PSMB2: variants seen among roughly 807,000 people sequenced by gnomAD.
The protein encoded by PSMB2 is proteasome subunit beta type-2.
Under a neutral mutation model 25.7 loss-of-function variants are expected in PSMB2, and 13 were observed. That is an observed-to-expected ratio of 0.51 (90% CI 0.33 to 0.80). The LOEUF (loss-of-function observed/expected upper bound fraction) is 0.80, where lower values mean the gene tolerates loss of function less well. Among genes scored for constraint, PSMB2 ranks in the 30% least tolerant of loss-of-function variants. PSMB2 has a pLI of 0.02. For missense variants in PSMB2, 202 were observed against 259.0 expected (o/e 0.78, Z 1.51); for synonymous variants, 87 against 96.2 (o/e 0.90, Z 0.56).
chr1:35,629,953 G>A (rs1339513363), intron 3 of PSMB2, among the ~76,000 whole-genome samples: 1 of 152,228 alleles, frequency 6.6e-6, no homozygotes, highest in Non-Finnish European at 1.5e-5. Flanking sequence ...CAGATCACCT[G>A]AGATCAGGAG....
At position 35,628,593 on chromosome 1, in the gene PSMB2, AAAAATATATATATATATATATAT is replaced by A. The variant is rs1487021714; in HGVS notation, c.285+2658_285+2680del. ...TTTCTTGGAAGAAAAAAAAAAAAAAAAAAATATATATATATATATATATATATATATATATATATTTTTTTTTT... is the reference window on the plus strand; with the variant it reads ...TTTCTTGGAAGAAAAAAAAAAAAAAAATATATATATATATATTTTTTTTTT... On this transcript the variant is annotated intron_variant, in intron 3 of 5. Coordinates refer to ENST00000373237, the MANE Select transcript of PSMB2 (RefSeq NM_002794.5). 3.3e-4 allele frequency among the ~76,000 whole-genome samples: 9 copies of A among 27,238 alleles called. 1 individual carries two copies. In the South Asian group the frequency reaches 0.016, roughly 50 times the overall value. The allele number at this position is 27,238 out of a possible 152,430, so 17.9% of individuals were successfully genotyped here.
intron 4 of PSMB2, 148 bp downstream of exon 4, chr1:35,609,098 G>C: frequency 1.4e-6 from 1 of 720,236 alleles, no homozygotes; most frequent in South Asian, 3.6e-5. Context: ...TGACAGAAGA[G>C]TGCAGCTTCC....
chr1:35,599,942 A>G lies in PSMB2; in HGVS notation c.*3325T>C. 4 of 794,198 alleles carry G rather than the reference A, an allele frequency of 5.0e-6. No homozygotes were observed. Among genetic ancestry groups the G allele is most frequent in the Non-Finnish European group, 6.1e-6 (4 of 655,764 alleles). 49.2% of individuals were successfully genotyped at this position (794,198 alleles called of 1,614,324 possible). A position where few individuals can be genotyped will look rare whatever the true frequency, so the allele number is the denominator to read the frequency against. On this transcript the variant is annotated 3_prime_UTR_variant, in exon 6 of 6. Transcript: ENST00000373237. ...GAGGCCAAGAGTTCGAGACCAGCCT[A>G]GGCAACATGGCGAGACCCTGTCTCT...
At chr1:35,606,583 TG>T (rs1650176506) in intron 4 of PSMB2, among the ~76,000 whole-genome samples, 1 of 152,138 alleles carries the variant, frequency 6.6e-6, no homozygotes, top group African/African-American at 2.4e-5. Context: ...CTCATGCTCA[TG>T]GATCAGAAGA....
At chr1:35,618,221 A>G (rs766775742) in intron 3 of PSMB2, among the ~76,000 whole-genome samples, 3 of 152,208 alleles carry the variant, frequency 2.0e-5, no homozygotes, top group Non-Finnish European at 2.9e-5. Context: ...ACTTCATAAC[A>G]GTAGAAGAGG....
chr1:35,625,693 T>G (rs1571135566), intron 3 of PSMB2, among the ~76,000 whole-genome samples: 1 of 145,056 alleles, frequency 6.9e-6, no homozygotes. Flanking sequence ...ACCCGGGAGG[T>G]GGAGCTTGCA....
chr1:35,631,474 A>C lies in PSMB2; in HGVS notation c.215-130T>G, dbSNP rs372237151. On this transcript the variant is annotated intron_variant, in intron 2 of 5. Transcript: ENST00000373237. Reference sequence around the variant, plus strand: ...CTCAGAGTAAACAAAGCATAGACTGAGGGGTACAATCCTACTCTAGTCCCT... The same window carrying C: ...CTCAGAGTAAACAAAGCATAGACTGCGGGGTACAATCCTACTCTAGTCCCT... The C allele has an allele frequency of 6.1e-5, 92 of 1,503,092 alleles. No individual in the cohort carries two copies. The East Asian group carries it at 1.7e-3, about 27-fold the overall frequency. The allele number at this position is 1,503,092 out of a possible 1,614,324, so 93.1% of individuals were successfully genotyped here. A position where few individuals can be genotyped will look rare whatever the true frequency, so the allele number is the denominator to read the frequency against.
At chr1:35,610,544 G>A (rs1024639668) in intron 3 of PSMB2, among the ~76,000 whole-genome samples, 1 of 152,042 alleles carries the variant, frequency 6.6e-6, no homozygotes. Flanking sequence ...CCCCCAGGCT[G>A]GAGAGCAATG....
At chr1:35,603,509 T>C (rs1016030492) in intron 5 of PSMB2, 135 bp from the exon 6 acceptor site, 22 of 1,075,768 alleles carry the variant, frequency 2.0e-5, no homozygotes, top group African/African-American at 1.4e-4. Context: ...CTGGAGGCAG[T>C]TGGCAGTAGG....
chr1:35,600,337 G>C lies in PSMB2; in HGVS notation c.*2930C>G. 1.1e-6 allele frequency: 1 copy of C among 898,028 alleles called. No homozygotes were observed. Among genetic ancestry groups the C allele is most frequent in the Middle Eastern group, 5.7e-4 (1 of 1,758 alleles). 55.6% of individuals were successfully genotyped at this position (898,028 alleles called of 1,614,324 possible). A position where few individuals can be genotyped will look rare whatever the true frequency, so the allele number is the denominator to read the frequency against. On this transcript the variant is annotated 3_prime_UTR_variant, in exon 6 of 6. Coordinates refer to ENST00000373237, the MANE Select transcript of PSMB2 (RefSeq NM_002794.5). ...GAAAAACTGGTAAAATCTGAATAAAGCCTGGAGCTTAGTAATACTAATACA... is the reference window on the plus strand; with the variant it reads ...GAAAAACTGGTAAAATCTGAATAAACCCTGGAGCTTAGTAATACTAATACA...
chr1:35,624,031 G>A (rs765207595), intron 3 of PSMB2, among the ~76,000 whole-genome samples: 1 of 152,116 alleles, frequency 6.6e-6, no homozygotes, highest in African/African-American at 2.4e-5. Flanking sequence ...TCTAGGACAG[G>A]AGCATGCTAT....
At chr1:35,637,883 A>G (rs900773987) in intron 1 of PSMB2, among the ~76,000 whole-genome samples, 1 of 152,240 alleles carries the variant, frequency 6.6e-6, no homozygotes, top group African/African-American at 2.4e-5. Context: ...GCAAAGAAAA[A>G]GGAGCAGAAG....
chr1:35,616,623 T>C (rs1008334269), intron 3 of PSMB2, among the ~76,000 whole-genome samples: 2 of 152,338 alleles, frequency 1.3e-5, no homozygotes, highest in African/African-American at 4.8e-5. Flanking sequence ...GACTCCTCTA[T>C]AGGATCTAAA....
intron 2 of PSMB2, among the ~76,000 whole-genome samples, chr1:35,635,016 T>C (rs538467329): frequency 6.6e-6 from 1 of 152,112 alleles, no homozygotes; most frequent in South Asian, 2.1e-4. Flanking sequence ...TCCCAGAACT[T>C]TGGGAGGCCG....
Position 35,601,716 on chromosome 1 carries a change from G to C in PSMB2, c.*1551C>G, listed in dbSNP as rs1650007120. On this transcript the variant is annotated 3_prime_UTR_variant, in exon 6 of 6. Transcript: ENST00000373237. ...GAGGAGCACAGAATTGGATAAAGTA[G>C]GGTTTATCTTAGTCGGAGACCAAAT... 1.0e-5 allele frequency: 10 copies of C among 985,378 alleles called. No individual in the cohort carries two copies. The highest frequency in any genetic ancestry group is 1.7e-5 in the African/African-American group (1 of 57,342). The allele number at this position is 985,378 out of a possible 1,614,324, so 61.0% of individuals were successfully genotyped here.
chr1:35,628,661 A>G (rs1217923132), intron 3 of PSMB2, among the ~76,000 whole-genome samples: 2 of 111,008 alleles, frequency 1.8e-5, no homozygotes, highest in East Asian at 7.8e-4. Context: ...AGAAAAGACT[A>G]CTGATCTTTC....
Position 35,603,279 on chromosome 1 carries a change from T to C in PSMB2, c.594A>G (p.Lys198=). 1.2e-6 allele frequency: 2 copies of C among 1,614,034 alleles called. No individual in the cohort carries two copies. The highest frequency in any genetic ancestry group is 1.7e-6 in the Non-Finnish European group (2 of 1,179,960). Residue 198 remains lysine, a synonymous_variant, in exon 6 of 6, where the codon AAA becomes AAG. Transcript: ENST00000373237. Reference sequence around the variant, plus strand: ...GGAGGACATGATGTTAGGAGCCCTGTTTGGGGAAGGAAATGTTATCCAGGT... The same window carrying C: ...GGAGGACATGATGTTAGGAGCCCTGCTTGGGGAAGGAAATGTTATCCAGGT... ...IHDLDNISFP[K]QGS
chr1:35,604,446 T>C (rs1302716294), intron 5 of PSMB2, among the ~76,000 whole-genome samples: 1 of 152,142 alleles, frequency 6.6e-6, no homozygotes, highest in Non-Finnish European at 1.5e-5. Flanking sequence ...GAGCAGGCAG[T>C]ATGGCAATTA....
Position 35,614,837 on chromosome 1 carries a change from T to C in PSMB2, c.286-5429A>G, listed in dbSNP as rs116456144. ...TCTAGCATGAGGTACCACCAAAATT[T>C]TGCCTCTTAATAGAAGGCAGTGAGG... On this transcript the variant is annotated intron_variant, in intron 3 of 5. Transcript: ENST00000373237. 7.3e-3 allele frequency among the ~76,000 whole-genome samples: 1,110 copies of C among 152,308 alleles called. 11 individuals carry two copies. The highest frequency in any genetic ancestry group is 0.026 in the African/African-American group (1,065 of 41,566).
Sources: allele counts gnomAD v4.1 joint callset (sites outside exome capture counted in the v4.1 genomes callset), GRCh38; gene constraint gnomAD v4.1.1; transcripts MANE v1.5; gene names NCBI Gene and HGNC (gene_info 2026-07-23, HGNC 2026-07-21).